Variants in ADGRA2 observed in about 807,000 individuals in gnomAD.
ADGRA2 encodes the protein G-protein coupled receptor 124.
A neutral mutation model predicts 98.7 loss-of-function variants in ADGRA2; 61 were observed. The ratio of observed to expected loss-of-function variants is 0.62; its 90% CI spans 0.50 to 0.76. ADGRA2 has a LOEUF of 0.76. ADGRA2 is among the 30% of genes least tolerant of loss of function. The pLI, the probability that ADGRA2 is intolerant of heterozygous loss-of-function variation, is 0.00. For missense variants in ADGRA2, 1,712 were observed against 1,860.0 expected, an observed-to-expected ratio of 0.92 and a Z score of 1.46; for synonymous variants, 858 against 831.5, an observed-to-expected ratio of 1.03 and a Z score of -0.55.
intron 1 of ADGRA2, among the ~76,000 whole-genome samples, chr8:37,806,295 A>G (rs1717960725): frequency 6.6e-6 from 1 of 152,136 alleles, no homozygotes; most frequent in Non-Finnish European, 1.5e-5. Flanking sequence ...GCTCTGAGCA[A>G]TGAATGAATG....
intron 2 of ADGRA2, among the ~76,000 whole-genome samples, chr8:37,827,416 G>A (rs1308346406): frequency 6.6e-6 from 1 of 152,222 alleles, no homozygotes; most frequent in Non-Finnish European, 1.5e-5. Context: ...CCTGTGGGTG[G>A]GCACTGTCTC....
chr8:37,840,967 G>A, intron 18 of ADGRA2, 118 bp downstream of exon 18: 1 of 1,214,820 alleles, frequency 8.2e-7, no homozygotes, highest in Non-Finnish European at 1.2e-6. Flanking sequence ...GCCCATGCAT[G>A]CTGACCAAGC....
intron 2 of ADGRA2, among the ~76,000 whole-genome samples, chr8:37,819,369 CTTACTA>C (rs1183010545): frequency 1.3e-5 from 2 of 151,994 alleles, no homozygotes; most frequent in African/African-American, 4.8e-5. Context: ...TATGCAAATA[CTTACTA>C]TTATTATTAT....
In ADGRA2 at chr8:37,828,924, G is replaced by A. The variant is rs142254876; in HGVS notation, c.375G>A (p.Pro125=). 71 of 1,591,130 alleles carry A rather than the reference G, an allele frequency of 4.5e-5. No homozygotes were observed. The highest frequency in any genetic ancestry group is 3.2e-4 in the African/African-American group (24 of 74,098). Residue 125 remains proline, a synonymous_variant, in exon 3 of 19, where the codon CCG becomes CCA. Coordinates refer to ENST00000412232, the MANE Select transcript of ADGRA2 (RefSeq NM_032777.10). ...LRNNIISTVQ[P]GAFLGLGELK... ...ACAACATCATCAGCACAGTGCAGCCGGGCGCCTTCCTGGGCCTGGGGGAGC... is the reference window on the plus strand; with the variant it reads ...ACAACATCATCAGCACAGTGCAGCCAGGCGCCTTCCTGGGCCTGGGGGAGC...
rs746816086 is a variant in ADGRA2 at position 37,842,599 on chromosome 8, C to G, written c.*244C>G. The G allele has an allele frequency of 1.8e-6, 1 of 561,882 alleles. No individual in the cohort carries two copies. Among genetic ancestry groups the G allele is most frequent in the Non-Finnish European group, 2.7e-6 (1 of 368,750 alleles). 34.8% of individuals were successfully genotyped at this position (561,882 alleles called of 1,614,324 possible). On this transcript the variant is annotated 3_prime_UTR_variant, in exon 19 of 19. Coordinates refer to ENST00000412232, the MANE Select transcript of ADGRA2 (RefSeq NM_032777.10). ...GGGGCAGTCTGACTGTCGGTGCCCT[C>G]CCAGGAACGGGGAAGGCCTCCGTCT...
rs1232285835 is a variant in ADGRA2 at position 37,804,126 on chromosome 8, C to CACACACACACAT, written c.266+6603_266+6604insTACACACACACA. Among the ~76,000 whole-genome samples the CACACACACACAT allele has an allele frequency of 3.9e-3, 581 of 150,122 alleles. 3 individuals carry two copies. Among genetic ancestry groups the CACACACACACAT allele is most frequent in the Non-Finnish European group, 4.9e-3 (331 of 67,274 alleles). ...ACACACACACACACACACACACACACACACACACACACACACACACACACA... is the reference window on the plus strand; with the variant it reads ...ACACACACACACACACACACACACACACACACACACATACACACACACACACACACACACACA... On this transcript the variant is annotated intron_variant, in intron 1 of 18. Coordinates refer to ENST00000412232, the MANE Select transcript of ADGRA2 (RefSeq NM_032777.10).
chr8:37,844,347 G>C lies in ADGRA2; in HGVS notation c.*1992G>C, dbSNP rs1420138119. On this transcript the variant is annotated 3_prime_UTR_variant, in exon 19 of 19. Transcript: ENST00000412232. ...TCCTGACTTTACTCCAGGACCCAGG[G>C]TCCAACTAATGGCAGAGCCCCTCTT... 6.6e-6 allele frequency: 7 copies of C among 1,064,794 alleles called. No homozygotes were observed. The East Asian group carries it at 1.5e-4, about 22-fold the overall frequency. 66.0% of individuals were successfully genotyped at this position (1,064,794 alleles called of 1,614,324 possible). A position where few individuals can be genotyped will look rare whatever the true frequency, so the allele number is the denominator to read the frequency against.
At chr8:37,839,160 T>C in intron 15 of ADGRA2, 77 bp downstream of exon 15, 2 of 1,551,746 alleles carry the variant, frequency 1.3e-6, no homozygotes, top group Non-Finnish European at 8.9e-7. Flanking sequence ...TCCCGTCCTA[T>C]GCTCCGGTAC....
rs1312624875 is a variant in ADGRA2 at position 37,841,545 on chromosome 8, C to T, written c.3207C>T (p.His1069=). Residue 1069 remains histidine, a synonymous_variant, in exon 19 of 19, where the codon CAC becomes CAT. Transcript: ENST00000412232. The surrounding 1 kb of genome is among the most constrained non-coding windows in gnomAD (Gnocchi z 5.0). The part of the protein sequence containing the change: ...SALGLFVFTH[H]CARRRDVRAS... ...TGGGCCTCTTCGTCTTCACTCACCACTGTGCCAGGCGGAGGGACGTGAGAG... is the reference window on the plus strand; with the variant it reads ...TGGGCCTCTTCGTCTTCACTCACCATTGTGCCAGGCGGAGGGACGTGAGAG... The T allele has an allele frequency of 2.5e-6, 4 of 1,611,762 alleles. No individual in the cohort carries two copies. Among genetic ancestry groups the T allele is most frequent in the Non-Finnish European group, 3.4e-6 (4 of 1,179,572 alleles).
intron 16 of ADGRA2, 144 bp from the exon 17 acceptor site, chr8:37,839,977 C>T (rs576858049): frequency 5.9e-5 from 43 of 726,406 alleles, no homozygotes; most frequent in African/African-American, 2.3e-4. Context: ...GGAAGCTTGG[C>T]GAGTGTATGG....
At chr8:37,824,947 C>T (rs1281091081) in intron 2 of ADGRA2, among the ~76,000 whole-genome samples, 3 of 152,200 alleles carry the variant, frequency 2.0e-5, no homozygotes, top group Non-Finnish European at 4.4e-5. Flanking sequence ...CTTACACACT[C>T]AGCTCCCAAA....
At chr8:37,805,793 C>T (rs1372242276) in intron 1 of ADGRA2, among the ~76,000 whole-genome samples, 1 of 151,972 alleles carries the variant, frequency 6.6e-6, no homozygotes, top group Non-Finnish European at 1.5e-5. Context: ...TACTTGGACC[C>T]GGGAGGTGGA....
chr8:37,838,916 T>C, intron 14 of ADGRA2, 40 bp from the exon 15 acceptor site: 1 of 1,525,804 alleles, frequency 6.6e-7, no homozygotes, highest in Non-Finnish European at 8.8e-7. Flanking sequence ...CCTGGCGAGG[T>C]GTCCACATTC....
chr8:37,828,287 C>A (rs142889941), intron 2 of ADGRA2, among the ~76,000 whole-genome samples: 1 of 152,152 alleles, frequency 6.6e-6, no homozygotes, highest in Non-Finnish European at 1.5e-5. Flanking sequence ...GCAACCCCAG[C>A]GACCTGCAGG....
chr8:37,822,522 T>C (rs1805157188), intron 2 of ADGRA2, among the ~76,000 whole-genome samples: 1 of 152,078 alleles, frequency 6.6e-6, no homozygotes, highest in South Asian at 2.1e-4. Context: ...GTTTCTAGTA[T>C]ATTTTACAGA....
intron 15 of ADGRA2, 95 bp from the exon 16 acceptor site, chr8:37,839,404 T>C (rs1751880641): frequency 2.6e-6 from 4 of 1,547,690 alleles, no homozygotes; most frequent in Admixed American, 3.8e-5. Context: ...CACGCAGATA[T>C]GTGCCTGCCC....
rs570502107 is a variant in ADGRA2 at position 37,840,752 on chromosome 8, C to G, written c.2658-8C>G. 3.9e-5 allele frequency: 60 copies of G among 1,523,628 alleles called. 1 individual carries two copies. The South Asian group carries it at 6.3e-4, about 16-fold the overall frequency. The allele number at this position is 1,523,628 out of a possible 1,614,324, so 94.4% of individuals were successfully genotyped here. On this transcript the variant is annotated splice_polypyrimidine_tract_variant and splice_region_variant and intron_variant, in intron 17 of 18. Transcript: ENST00000412232. Reference sequence around the variant, plus strand: ...TCTCTGGGACCCCCAATCCCTCATTCCCTCCAGGTTCTATTTGATCGCTGG... The same window carrying G: ...TCTCTGGGACCCCCAATCCCTCATTGCCTCCAGGTTCTATTTGATCGCTGG...
At chr8:37,815,135 A>G (rs543947789) in intron 2 of ADGRA2, among the ~76,000 whole-genome samples, 168 bp downstream of exon 2, 1 of 152,306 alleles carries the variant, frequency 6.6e-6, no homozygotes, top group African/African-American at 2.4e-5. Context: ...ACCAACAAGG[A>G]GAAGCCACAG....
At chr8:37,827,991 A>T (rs897645280) in intron 2 of ADGRA2, among the ~76,000 whole-genome samples, 14 of 146,572 alleles carry the variant, frequency 9.6e-5, no homozygotes, top group Non-Finnish European at 1.5e-4. Context: ...TTTTTTTTTT[A>T]AATTAGCGGG....
Sources: gnomAD v4.1 joint callset for allele counts (sites outside exome capture counted in the v4.1 genomes callset) on GRCh38, gnomAD v4.1.1 for gene constraint, Gnocchi (gnomAD v3.1) non-coding constraint, MANE v1.5 for transcripts, NCBI Gene and HGNC (gene_info 2026-07-23, HGNC 2026-07-21) for gene names.